Variants in TRPC4AP observed in about 807,000 individuals in gnomAD.
The protein encoded by TRPC4AP is short transient receptor potential channel 4-associated protein.
Under a neutral mutation model 99.0 loss-of-function variants are expected in TRPC4AP, and 45 were observed. That is an observed-to-expected ratio of 0.45 (90% CI 0.36 to 0.58). TRPC4AP has a LOEUF of 0.58. Among genes scored for constraint, TRPC4AP ranks in the 20% least tolerant of loss-of-function variants. The pLI is 0.00. For synonymous variants in TRPC4AP, 408 were observed against 385.8 expected (o/e 1.06, Z -0.67); for missense variants, 879 against 985.3 (o/e 0.89, Z 1.44).
chr20:35,043,379 T>G (rs994268420), intron 7 of TRPC4AP, among the ~76,000 whole-genome samples: 13 of 152,052 alleles, frequency 8.5e-5, no homozygotes, highest in Non-Finnish European at 1.6e-4. Flanking sequence ...TCTGAGTAAC[T>G]GGGACTACAG....
intron 2 of TRPC4AP, among the ~76,000 whole-genome samples, chr20:35,070,567 C>T (rs1314360564): frequency 2.6e-5 from 4 of 152,106 alleles, no homozygotes; most frequent in Non-Finnish European, 2.9e-5. Context: ...CCCGCCACTG[C>T]GCCCGGCTAA....
intron 8 of TRPC4AP, among the ~76,000 whole-genome samples, chr20:35,025,403 T>C (rs989506771): frequency 6.6e-6 from 1 of 152,136 alleles, no homozygotes; most frequent in Non-Finnish European, 1.5e-5. Flanking sequence ...TTTGAGCTGG[T>C]CTTGAACAAT....
intron 9 of TRPC4AP, among the ~76,000 whole-genome samples, chr20:35,017,470 G>A (rs1278673537): frequency 1.3e-5 from 2 of 152,150 alleles, no homozygotes; most frequent in African/African-American, 4.8e-5. Flanking sequence ...GTTAAAATTT[G>A]TTTATATAAC....
At chr20:35,026,551 G>C (rs1490295179) in intron 8 of TRPC4AP, among the ~76,000 whole-genome samples, 1 of 152,086 alleles carries the variant, frequency 6.6e-6, no homozygotes, top group African/African-American at 2.4e-5. Context: ...CAAGTCTCCT[G>C]CATTTCCACA....
chr20:35,075,394 A>T (rs1403456367), intron 2 of TRPC4AP, among the ~76,000 whole-genome samples: 10 of 152,314 alleles, frequency 6.6e-5, no homozygotes, highest in Middle Eastern at 3.4e-3. Flanking sequence ...AGTAGTTGGT[A>T]TCGGTTGTTC....
At chr20:35,041,990 ATAATTTAGT>A (rs2083455219) in intron 7 of TRPC4AP, among the ~76,000 whole-genome samples, 1 of 152,242 alleles carries the variant, frequency 6.6e-6, no homozygotes, top group African/African-American at 2.4e-5. Context: ...GCTCTGAGGT[ATAATTTAGT>A]TATAATGAAA....
intron 4 of TRPC4AP, among the ~76,000 whole-genome samples, chr20:35,056,817 T>TAA (rs554363992): frequency 3.5e-5 from 5 of 143,820 alleles, no homozygotes; most frequent in East Asian, 2.0e-4. Context: ...CCATCTCTAC[T>TAA]AAAAAAAAAA....
chr20:35,008,791 C>T (rs1189998152), intron 12 of TRPC4AP, 44 bp from the exon 13 acceptor site: 1 of 1,576,804 alleles, frequency 6.3e-7, no homozygotes, highest in Non-Finnish European at 8.7e-7. Flanking sequence ...GAGAGGCTGA[C>T]AGGGGCCCTG....
chr20:35,075,690 A>G (rs1358582714), intron 2 of TRPC4AP, among the ~76,000 whole-genome samples: 1 of 151,700 alleles, frequency 6.6e-6, no homozygotes, highest in African/African-American at 2.4e-5. Flanking sequence ...TGCCCTTAAT[A>G]TTTTTTCCTT....
chr20:35,008,756 G>C lies in TRPC4AP; in HGVS notation c.1512-9C>G. 1.2e-6 allele frequency: 2 copies of C among 1,612,936 alleles called. No homozygotes were observed. On this transcript the variant is annotated splice_polypyrimidine_tract_variant and intron_variant, in intron 12 of 18. Coordinates refer to ENST00000252015, the MANE Select transcript of TRPC4AP (RefSeq NM_015638.3). Reference sequence around the variant, plus strand: ...CATCACACACCAAACTCCTGAAATAGAAGAGAGATATTGGTGACAGATCTG... The same window carrying C: ...CATCACACACCAAACTCCTGAAATACAAGAGAGATATTGGTGACAGATCTG...
intron 7 of TRPC4AP, among the ~76,000 whole-genome samples, chr20:35,038,345 G>C (rs1026560093): frequency 2.0e-5 from 3 of 151,670 alleles, no homozygotes; most frequent in African/African-American, 4.9e-5. Context: ...ACTGGGAAAG[G>C]CTACAGACAA....
At chr20:35,037,777 A>C (rs752120337) in intron 7 of TRPC4AP, among the ~76,000 whole-genome samples, 1 of 152,172 alleles carries the variant, frequency 6.6e-6, no homozygotes, top group Admixed American at 6.5e-5. Context: ...TATTTTTACT[A>C]TACCTTTTTT....
intron 1 of TRPC4AP, among the ~76,000 whole-genome samples, chr20:35,092,120 G>C (rs577118583): frequency 6.6e-6 from 1 of 152,210 alleles, no homozygotes; most frequent in Non-Finnish European, 1.5e-5. Flanking sequence ...CGAATTCGCG[G>C]CTGTGACAGA....
intron 8 of TRPC4AP, 48 bp downstream of exon 8, chr20:35,035,075 C>A (rs372674769): frequency 5.8e-6 from 9 of 1,552,326 alleles, no homozygotes; most frequent in African/African-American, 2.7e-5. Flanking sequence ...TGGTCCCAGG[C>A]GCCCAAGGAA....
At chr20:35,029,802 AT>A (rs2083132127) in intron 8 of TRPC4AP, among the ~76,000 whole-genome samples, 2 of 148,110 alleles carry the variant, frequency 1.4e-5, no homozygotes, top group Non-Finnish European at 1.5e-5. Context: ...CGCCCAGCTA[AT>A]TTTTTTGTAT....
intron 11 of TRPC4AP, among the ~76,000 whole-genome samples, chr20:35,012,037 C>G (rs1229531487): frequency 1.3e-5 from 2 of 152,244 alleles, no homozygotes; most frequent in African/African-American, 4.8e-5. Context: ...TGATATCCCA[C>G]AGAGTACTCA....
chr20:35,006,857 G>A (rs865843011), intron 14 of TRPC4AP, among the ~76,000 whole-genome samples: 13 of 152,354 alleles, frequency 8.5e-5, no homozygotes, highest in Middle Eastern at 3.4e-3. Context: ...AAGATGGCCG[G>A]GGTGCTCAGC....
In TRPC4AP at chr20:35,003,263, T is replaced by A. The variant is rs1258530210; in HGVS notation, c.2277A>T (p.Ser759=). The A allele has an allele frequency of 5.0e-6, 8 of 1,614,088 alleles. No homozygotes were observed. Among genetic ancestry groups the A allele is most frequent in the Non-Finnish European group, 6.8e-6 (8 of 1,180,006 alleles). ...GGATGGACACTGTCTCCTTCCAGTA[T>A]GAGAAGCTGATGCAGGAGCTCTGGG... ...CLENSSCISF[S]YWKETVSILL... is the part of the protein sequence containing the mutation. The change falls in exon 19 of 19, where the codon TCA becomes TCT. Residue 759 remains serine (S), a synonymous_variant. Coordinates refer to ENST00000252015, the MANE Select transcript of TRPC4AP (RefSeq NM_015638.3).
intron 8 of TRPC4AP, among the ~76,000 whole-genome samples, chr20:35,033,467 T>C (rs2083247698): frequency 6.6e-6 from 1 of 152,194 alleles, no homozygotes; most frequent in South Asian, 2.1e-4. Context: ...CTACCTCTTC[T>C]GGTATCACAT....
Sources: gnomAD v4.1 joint callset for allele counts (sites outside exome capture counted in the v4.1 genomes callset) on GRCh38, gnomAD v4.1.1 for gene constraint, MANE v1.5 for transcripts, NCBI Gene and HGNC (gene_info 2026-07-23, HGNC 2026-07-21) for gene names.